TDRD5: variants seen among roughly 807,000 people sequenced by gnomAD.
The protein encoded by TDRD5 is tudor domain-containing protein 5.
A neutral mutation model predicts 120.6 loss-of-function variants in TDRD5; 41 were observed. The ratio of observed to expected loss-of-function variants is 0.34; its 90% CI spans 0.26 to 0.44. The LOEUF (loss-of-function observed/expected upper bound fraction) is 0.44, where lower values mean the gene tolerates loss of function less well. Ranked by LOEUF, TDRD5 falls within the 20% of genes least tolerant of loss-of-function variation. TDRD5 has a pLI of 1.00. For missense variants in TDRD5, 1,006 were observed against 1,221.2 expected, an observed-to-expected ratio of 0.82 and a Z score of 2.63; for synonymous variants, 430 against 433.7, an observed-to-expected ratio of 0.99 and a Z score of 0.11.
At chr1:179,677,110 A>G (rs561472216) in intron 17 of TDRD5, among the ~76,000 whole-genome samples, 33 of 151,996 alleles carry the variant, frequency 2.2e-4, no homozygotes, top group African/African-American at 8.0e-4. Flanking sequence ...TTGAGCTCTG[A>G]AGTTCTTTCT....
At chr1:179,679,983 G>T (rs1009983083) in intron 17 of TDRD5, among the ~76,000 whole-genome samples, 3 of 151,892 alleles carry the variant, frequency 2.0e-5, no homozygotes, top group Non-Finnish European at 1.5e-5. Context: ...CCCTGCTTTT[G>T]CTGCATTCCA....
chr1:179,647,520 C>T (rs1048167016), intron 11 of TDRD5, among the ~76,000 whole-genome samples: 2 of 151,518 alleles, frequency 1.3e-5, no homozygotes, highest in African/African-American at 2.4e-5. Flanking sequence ...CTAGGCATTA[C>T]CATTCAGGAC....
intron 12 of TDRD5, 102 bp downstream of exon 12, chr1:179,651,169 C>A: frequency 1.6e-6 from 2 of 1,276,886 alleles, no homozygotes; most frequent in Non-Finnish European, 2.1e-6. Context: ...TATTCTTTAA[C>A]CAATTAGAGA....
At chr1:179,595,534 G>A in intron 3 of TDRD5, 94 bp from the exon 4 acceptor site, 1 of 1,114,362 alleles carries the variant, frequency 9.0e-7, no homozygotes, top group Non-Finnish European at 1.2e-6. Flanking sequence ...GTTGAAGGCA[G>A]TTAGCTCACA....
chr1:179,631,851 A>ATTTTTGTT (rs1677465398), intron 7 of TDRD5, among the ~76,000 whole-genome samples: 1 of 74,370 alleles, frequency 1.3e-5, no homozygotes, highest in African/African-American at 5.1e-5. Flanking sequence ...AGGGCACTTG[A>ATTTTTGTT]TTTTTTTTTT....
At chr1:179,611,930 G>A (rs1676300919) in intron 4 of TDRD5, among the ~76,000 whole-genome samples, 1 of 152,096 alleles carries the variant, frequency 6.6e-6, no homozygotes, top group African/African-American at 2.4e-5. Flanking sequence ...CCCAAACTAT[G>A]TATTTTAATT....
At chr1:179,684,060 T>A (rs1375238302) in intron 17 of TDRD5, among the ~76,000 whole-genome samples, 4 of 152,200 alleles carry the variant, frequency 2.6e-5, no homozygotes, top group African/African-American at 4.8e-5. Flanking sequence ...TCATTTTTTT[T>A]ATTATACTTT....
At chr1:179,649,545 G>C (rs1572397718) in intron 11 of TDRD5, among the ~76,000 whole-genome samples, 1 of 151,710 alleles carries the variant, frequency 6.6e-6, no homozygotes, top group African/African-American at 2.4e-5. Flanking sequence ...TTTTTAATTT[G>C]GGTTATTATG....
intron 2 of TDRD5, among the ~76,000 whole-genome samples, chr1:179,593,073 T>C (rs1273096423): frequency 6.6e-6 from 1 of 152,208 alleles, no homozygotes; most frequent in Non-Finnish European, 1.5e-5. Context: ...GCTACATTTT[T>C]ACATATGATT....
Position 179,638,957 on chromosome 1 carries a change from A to G in TDRD5, c.1521-882A>G, listed in dbSNP as rs559187455. 4.5e-4 allele frequency among the ~76,000 whole-genome samples: 68 copies of G among 152,346 alleles called. 1 individual carries two copies. The South Asian group carries it at 0.014, about 31-fold the overall frequency. ...TTAAAATTTGGGGGACTCTGTTGCT[A>G]GAGAAAAGGGAAAGAGGAGAATGGG... On this transcript the variant is annotated intron_variant, in intron 9 of 17. Transcript: ENST00000444136.
intron 17 of TDRD5, among the ~76,000 whole-genome samples, chr1:179,685,443 G>A (rs1302991397): frequency 6.6e-6 from 1 of 152,126 alleles, no homozygotes; most frequent in Non-Finnish European, 1.5e-5. Flanking sequence ...TTTGGTTATT[G>A]TAGCCTTGGT....
chr1:179,679,738 G>A (rs780421581), intron 17 of TDRD5, among the ~76,000 whole-genome samples: 3 of 150,298 alleles, frequency 2.0e-5, no homozygotes, highest in African/African-American at 2.5e-5. Context: ...TTTTCCCCCC[G>A]ATCTAGAGGT....
chr1:179,621,204 AC>A, intron 6 of TDRD5, 113 bp downstream of exon 6: 1 of 863,192 alleles, frequency 1.2e-6, no homozygotes, highest in Non-Finnish European at 1.7e-6. Flanking sequence ...TAAAACGGAA[AC>A]ATTTTGTTTT....
chr1:179,651,186 C>A, intron 12 of TDRD5, 119 bp downstream of exon 12: 1 of 1,122,096 alleles, frequency 8.9e-7, no homozygotes, highest in Non-Finnish European at 1.2e-6. Context: ...GAGACATCCA[C>A]GAGATTCCTG....
At chr1:179,641,647 G>A (rs149052677) in intron 11 of TDRD5, among the ~76,000 whole-genome samples, 1 of 152,274 alleles carries the variant, frequency 6.6e-6, no homozygotes, top group African/African-American at 2.4e-5. Flanking sequence ...TTGGATGTTG[G>A]GAGCGAGGGT....
At chr1:179,608,735 GT>G (rs11374180) in intron 4 of TDRD5, among the ~76,000 whole-genome samples, 13 of 146,898 alleles carry the variant, frequency 8.8e-5, no homozygotes, top group East Asian at 2.0e-4. Context: ...TGCCATTTCT[GT>G]TTTTTTTTTC....
At chr1:179,647,724 T>C (rs1678462946) in intron 11 of TDRD5, among the ~76,000 whole-genome samples, 1 of 151,458 alleles carries the variant, frequency 6.6e-6, no homozygotes, top group South Asian at 2.1e-4. Flanking sequence ...ATCCAGAATC[T>C]ACAATGAACT....
chr1:179,665,642 A>G (rs1324967524), intron 16 of TDRD5, among the ~76,000 whole-genome samples: 1 of 152,148 alleles, frequency 6.6e-6, no homozygotes, highest in Non-Finnish European at 1.5e-5. Context: ...TAGCTATTTA[A>G]TAAGTTTTGA....
intron 17 of TDRD5, among the ~76,000 whole-genome samples, chr1:179,674,082 A>G (rs1187024652): frequency 1.3e-5 from 2 of 152,250 alleles, no homozygotes; most frequent in African/African-American, 4.8e-5. Flanking sequence ...TTCCAGTACC[A>G]TGTTGAATAG....
Sources: gnomAD v4.1 joint callset for allele counts (sites outside exome capture counted in the v4.1 genomes callset) on GRCh38, gnomAD v4.1.1 for gene constraint, MANE v1.5 for transcripts, NCBI Gene and HGNC (gene_info 2026-07-23, HGNC 2026-07-21) for gene names.